DACH2: variants seen among roughly 807,000 people sequenced by gnomAD.
DACH2 encodes the protein dachshund homolog 2.
DACH2 carries 17 observed loss-of-function variants against 35.8 expected under a neutral mutation model. That is an observed-to-expected ratio of 0.48 (90% CI 0.33 to 0.71). The LOEUF (loss-of-function observed/expected upper bound fraction) is 0.71. Among genes scored for constraint, DACH2 ranks in the 30% least tolerant of loss-of-function variants. The pLI, the probability that DACH2 is intolerant of heterozygous loss-of-function variation, is 0.02. For synonymous variants in DACH2, 195 were observed against 177.3 expected (o/e 1.10, Z -0.79); for missense variants, 469 against 472.7 (o/e 0.99, Z 0.07).
chrX:86,590,679 C>G (rs755399610), intron 3 of DACH2, among the ~76,000 whole-genome samples: 14 of 111,840 alleles, frequency 1.3e-4, no homozygotes, highest in Non-Finnish European at 2.6e-4. Context: ...TGCGTTCTCA[C>G]TAGCTGTGAA....
intron 1 of DACH2, among the ~76,000 whole-genome samples, chrX:86,315,492 A>G (rs1569344967): frequency 9.0e-6 from 1 of 111,605 alleles, no homozygotes; most frequent in Non-Finnish European, 1.9e-5. Flanking sequence ...TAAGGAATAC[A>G]TTTTGTAAGG....
At chrX:86,533,787 A>G (rs2038758674) in intron 3 of DACH2, among the ~76,000 whole-genome samples, 1 of 111,519 alleles carries the variant, frequency 9.0e-6, no homozygotes, top group Admixed American at 9.6e-5. Flanking sequence ...ACTCTTACAA[A>G]TTCTTTGGTG....
At chrX:86,508,565 A>C (rs966933105) in intron 2 of DACH2, among the ~76,000 whole-genome samples, 3 of 82,893 alleles carry the variant, frequency 3.6e-5, no homozygotes, top group Admixed American at 1.2e-4. Flanking sequence ...GTCTCAAAAT[A>C]AAAAAAAAAG....
chrX:86,184,794 C>T (rs1204808291), intron 1 of DACH2, among the ~76,000 whole-genome samples: 3 of 111,907 alleles, frequency 2.7e-5, no homozygotes, highest in Non-Finnish European at 5.6e-5. Flanking sequence ...AGCACTTCTA[C>T]AGAATCTGAG....
At chrX:86,801,372 G>A (rs1459065833) in intron 7 of DACH2, among the ~76,000 whole-genome samples, 1 of 110,821 alleles carries the variant, frequency 9.0e-6, no homozygotes, top group Non-Finnish European at 1.9e-5. Context: ...CTGGAACTAC[G>A]GGTTCATGCC....
chrX:86,271,568 T>C (rs779793477), intron 1 of DACH2, among the ~76,000 whole-genome samples: 13 of 111,437 alleles, frequency 1.2e-4, no homozygotes, highest in Non-Finnish European at 1.9e-4. Context: ...CAGGGAGAAG[T>C]AAGGAACATA....
intron 1 of DACH2, among the ~76,000 whole-genome samples, chrX:86,247,151 C>A (rs1408650560): frequency 9.0e-6 from 1 of 111,473 alleles, no homozygotes; most frequent in Non-Finnish European, 1.9e-5. Context: ...ATGCATCTAA[C>A]ACTGGAGCAG....
intron 6 of DACH2, among the ~76,000 whole-genome samples, chrX:86,735,130 A>G (rs951831094): frequency 8.9e-6 from 1 of 112,059 alleles, no homozygotes; most frequent in African/African-American, 3.2e-5. Flanking sequence ...AGGAAATTCA[A>G]CGTTGAGACA....
intron 2 of DACH2, among the ~76,000 whole-genome samples, chrX:86,379,331 T>C (rs866688546): frequency 9.2e-6 from 1 of 108,201 alleles, no homozygotes; most frequent in Admixed American, 9.7e-5. Context: ...AAGGTAACTG[T>C]TTGACTGATC....
intron 2 of DACH2, among the ~76,000 whole-genome samples, chrX:86,470,466 C>A (rs1289919136): frequency 9.0e-6 from 1 of 111,353 alleles, no homozygotes. Flanking sequence ...TCATATGTAG[C>A]ATATTTATTG....
chrX:86,160,678 A>G (rs1398561134), intron 1 of DACH2: 13 of 490,647 alleles, frequency 2.6e-5, no homozygotes, highest in Non-Finnish European at 4.8e-5. Context: ...TGACAGACAC[A>G]TTCTTGATAT....
At chrX:86,561,916 AAAAAG>A (rs1385602615) in intron 3 of DACH2, among the ~76,000 whole-genome samples, 4 of 101,892 alleles carry the variant, frequency 3.9e-5, no homozygotes, top group Admixed American at 3.2e-4. Flanking sequence ...AAAAAAAAAA[AAAAAG>A]AGAATTCAGC....
At chrX:86,799,865 C>T (rs2042275139) in intron 7 of DACH2, among the ~76,000 whole-genome samples, 1 of 111,278 alleles carries the variant, frequency 9.0e-6, no homozygotes, top group African/African-American at 3.3e-5. Flanking sequence ...TGTAGCTCAT[C>T]TTTTTGAGGG....
chrX:86,460,967 A>C (rs994584042), intron 2 of DACH2, among the ~76,000 whole-genome samples: 1 of 111,635 alleles, frequency 9.0e-6, no homozygotes, highest in Non-Finnish European at 1.9e-5. Context: ...GCACAAATTG[A>C]TAGAGACTGA....
chrX:86,610,344 C>CTCCT (rs1204104255), intron 3 of DACH2, among the ~76,000 whole-genome samples: 5 of 104,053 alleles, frequency 4.8e-5, no homozygotes, highest in East Asian at 3.2e-4. Context: ...CTCTTTCTTT[C>CTCCT]TCCTTCCTTC....
At chrX:86,585,770 T>A (rs1038069755) in intron 3 of DACH2, among the ~76,000 whole-genome samples, 6 of 111,660 alleles carry the variant, frequency 5.4e-5, no homozygotes, top group African/African-American at 1.9e-4. Flanking sequence ...TGTTTAGTAC[T>A]CCATGGTGTA....
intron 2 of DACH2, among the ~76,000 whole-genome samples, chrX:86,507,736 C>T (rs945488536): frequency 1.4e-4 from 16 of 111,446 alleles, no homozygotes; most frequent in Admixed American, 5.7e-4. Context: ...TGTATGCAGT[C>T]AGAAATATTG....
intron 4 of DACH2, among the ~76,000 whole-genome samples, chrX:86,688,606 A>C (rs1457713764): frequency 1.8e-5 from 2 of 112,132 alleles, no homozygotes; most frequent in East Asian, 5.6e-4. Context: ...ACACATGTTA[A>C]GTACTCAAAA....
intron 1 of DACH2, among the ~76,000 whole-genome samples, chrX:86,293,926 A>G (rs1490900781): frequency 9.0e-6 from 1 of 110,802 alleles, no homozygotes; most frequent in African/African-American, 3.3e-5. Context: ...CTCGAGGAGT[A>G]TCTTTGTGGC....
Sources: gnomAD v4.1 joint callset for allele counts (sites outside exome capture counted in the v4.1 genomes callset) on GRCh38, gnomAD v4.1.1 for gene constraint, MANE v1.5 for transcripts, NCBI Gene and HGNC (gene_info 2026-07-23, HGNC 2026-07-21) for gene names.